The following CABLES1 variants were observed in gnomAD, a reference collection of about 807,000 sequenced individuals.
The protein encoded by CABLES1 is Cdk5 and Abl enzyme substrate 1, also known as CDK5 and ABL1 enzyme substrate 1.
A neutral mutation model predicts 57.8 loss-of-function variants in CABLES1; 36 were observed. The ratio of observed to expected loss-of-function variants is 0.62; its 90% CI spans 0.48 to 0.82. The LOEUF is 0.82. CABLES1 is among the 40% of genes least tolerant of loss of function. CABLES1 has a pLI of 0.00. For synonymous variants in CABLES1, 374 were observed against 363.0 expected (o/e 1.03, Z -0.35); for missense variants, 767 against 836.6 (o/e 0.92, Z 1.03).
chr18:23,167,461 A>G (rs1354526420), intron 1 of CABLES1, among the ~76,000 whole-genome samples: 1 of 152,194 alleles, frequency 6.6e-6, no homozygotes, highest in Non-Finnish European at 1.5e-5. Flanking sequence ...AAGGCTAACA[A>G]GATGTCATCC....
At chr18:23,148,063 T>C (rs894161378) in intron 1 of CABLES1, among the ~76,000 whole-genome samples, 11 of 149,244 alleles carry the variant, frequency 7.4e-5, no homozygotes, top group East Asian at 2.0e-4. Flanking sequence ...GATCTCGGCT[T>C]ACTGCAGGCT....
intron 7 of CABLES1, among the ~76,000 whole-genome samples, chr18:23,246,995 C>T (rs1214631322): frequency 6.6e-6 from 1 of 152,188 alleles, no homozygotes; most frequent in African/African-American, 2.4e-5. Flanking sequence ...GCCCAGCTTG[C>T]AAGTTTTTAT....
At chr18:23,184,233 G>A (rs1221908566) in intron 1 of CABLES1, among the ~76,000 whole-genome samples, 3 of 152,128 alleles carry the variant, frequency 2.0e-5, no homozygotes, top group South Asian at 2.1e-4. Context: ...GCATTTGGGC[G>A]TGGATTTTTT....
chr18:23,151,019 T>A (rs1397299962), intron 1 of CABLES1, among the ~76,000 whole-genome samples: 1 of 142,244 alleles, frequency 7.0e-6, no homozygotes, highest in African/African-American at 2.8e-5. Context: ...GCCTACGTTT[T>A]TTTTTTTTTT....
chr18:23,135,950 A>G lies in CABLES1; in HGVS notation c.188A>G (p.Gln63Arg). ...CCGCGCATGGACCCGCGGCGCCGCCAGGCTGCCCTCTCCTTCCTCACCAAC... is the reference window on the plus strand; with the variant it reads ...CCGCGCATGGACCCGCGGCGCCGCCGGGCTGCCCTCTCCTTCCTCACCAAC... ...RKPRMDPRRRQAALSFLTNIS... is the reference protein window; with the variant it reads ...RKPRMDPRRRRAALSFLTNIS... The change falls in exon 1 of 10, where the codon CAG becomes CGG. Residue 63 changes from glutamine (Q) to arginine (R), a missense_variant. Gln to Arg is a conservative substitution (Grantham distance 43, BLOSUM62 1). This residue lies in a region of CABLES1 where 198 missense variants were observed against 149.7 expected (regional missense o/e 1.32). Coordinates refer to ENST00000256925, the MANE Select transcript of CABLES1 (RefSeq NM_001100619.3). 1 of 1,133,002 alleles carries G rather than the reference A, an allele frequency of 8.8e-7. No individual in the cohort carries two copies. 70.2% of individuals were successfully genotyped at this position (1,133,002 alleles called of 1,614,324 possible).
chr18:23,160,204 A>AT (rs1200511364), intron 1 of CABLES1, among the ~76,000 whole-genome samples: 2 of 151,664 alleles, frequency 1.3e-5, no homozygotes, highest in African/African-American at 4.8e-5. Context: ...CACCCGGCTG[A>AT]TTTTTTGTAT....
At chr18:23,188,951 A>AT in intron 2 of CABLES1, 42 bp downstream of exon 2, 1 of 1,354,448 alleles carries the variant, frequency 7.4e-7, no homozygotes, top group Non-Finnish European at 1.0e-6. Context: ...ACAGTACACC[A>AT]TGACAGCCAG....
chr18:23,229,338 G>A (rs2047550587), intron 4 of CABLES1, among the ~76,000 whole-genome samples: 1 of 152,118 alleles, frequency 6.6e-6, no homozygotes, highest in Non-Finnish European at 1.5e-5. Flanking sequence ...CTTGAACCTG[G>A]GAGGCAGAGG....
chr18:23,216,811 T>C (rs2047445728), intron 4 of CABLES1, among the ~76,000 whole-genome samples: 1 of 152,202 alleles, frequency 6.6e-6, no homozygotes, highest in South Asian at 2.1e-4. Flanking sequence ...AAATGCTAGG[T>C]GGCAGCCAGT....
At chr18:23,210,074 G>A (rs1264174112) in intron 3 of CABLES1, among the ~76,000 whole-genome samples, 1 of 152,214 alleles carries the variant, frequency 6.6e-6, no homozygotes, top group Non-Finnish European at 1.5e-5. Flanking sequence ...CACTCATGAG[G>A]ATCCCTGGAA....
At chr18:23,237,029 C>A in intron 6 of CABLES1, 113 bp from the exon 7 acceptor site, 1 of 729,658 alleles carries the variant, frequency 1.4e-6, no homozygotes, top group Non-Finnish European at 2.5e-6. Context: ...AGCTAAGTGC[C>A]CTAAAGCCAG....
At chr18:23,185,136 T>G (rs2047193555) in intron 1 of CABLES1, among the ~76,000 whole-genome samples, 7 of 152,260 alleles carry the variant, frequency 4.6e-5, no homozygotes, top group Admixed American at 4.6e-4. Flanking sequence ...CTCATCTGGT[T>G]CTTTTCCAAA....
chr18:23,142,422 A>G (rs1430236067), intron 1 of CABLES1, among the ~76,000 whole-genome samples: 1 of 152,148 alleles, frequency 6.6e-6, no homozygotes, highest in Non-Finnish European at 1.5e-5. Flanking sequence ...CACCAAGGAC[A>G]TGATCTGTAG....
At chr18:23,191,906 TAAAAAAAAAAAA>T (rs147984743) in intron 2 of CABLES1, among the ~76,000 whole-genome samples, 3,116 of 82,686 alleles carry the variant, frequency 0.038, 69 homozygotes, top group Non-Finnish European at 0.047. Flanking sequence ...GTTGAATGCT[TAAAAAAAAAAAA>T]AAAAAAAAAA....
intron 1 of CABLES1, among the ~76,000 whole-genome samples, chr18:23,182,616 A>G (rs192309444): frequency 6.6e-6 from 1 of 152,358 alleles, no homozygotes; most frequent in Admixed American, 6.5e-5. Flanking sequence ...TCTGATGTGC[A>G]GACAGCGTTG....
At chr18:23,150,748 A>T (rs9675924) in intron 1 of CABLES1, among the ~76,000 whole-genome samples, 9 of 151,600 alleles carry the variant, frequency 5.9e-5, no homozygotes, top group African/African-American at 2.2e-4. Flanking sequence ...AGGTGTTGTG[A>T]CTGGGAAAGG....
intron 3 of CABLES1, among the ~76,000 whole-genome samples, chr18:23,211,014 A>C (rs1598831930): frequency 6.6e-6 from 1 of 151,852 alleles, no homozygotes; most frequent in South Asian, 2.1e-4. Flanking sequence ...GTAAAATAAC[A>C]TGTTTTTCTG....
Position 23,257,226 on chromosome 18 carries a change from G to A in CABLES1, c.1762-1G>A. On this transcript the variant is annotated splice_acceptor_variant, in intron 9 of 9. Transcript: ENST00000256925. LOFTEE classifies it high-confidence loss of function. ...TGCTTTTGATTTTCTTTTTGTTGCA[G>A]AAACTGGAAGAGAAGTTCCGGCTGA... 1 of 1,602,404 alleles carries A rather than the reference G, an allele frequency of 6.2e-7. No individual in the cohort carries two copies. The highest frequency in any genetic ancestry group is 1.1e-5 in the South Asian group (1 of 88,090).
At chr18:23,243,468 G>GTTTTTTTTTTTTTTTTTT (rs551293348) in intron 7 of CABLES1, among the ~76,000 whole-genome samples, 1 of 101,876 alleles carries the variant, frequency 9.8e-6, no homozygotes, top group African/African-American at 3.6e-5. Flanking sequence ...TGGGTTTGGT[G>GTTTTTTTTTTTTTTTTTT]TTTTTTTTTT....
Sources: allele counts gnomAD v4.1 joint callset (sites outside exome capture counted in the v4.1 genomes callset), GRCh38; gene constraint gnomAD v4.1.1; regional missense constraint gnomAD v4.1.1; transcripts MANE v1.5; gene names NCBI Gene and HGNC (gene_info 2026-07-23, HGNC 2026-07-21).